Variants in ZNF568 observed in about 807,000 individuals in gnomAD.
ZNF568 encodes the protein p53 inhibitor of SCO2 activation.
A neutral mutation model predicts 18.1 loss-of-function variants in ZNF568; 11 were observed. That is an observed-to-expected ratio of 0.61 (90% CI 0.38 to 1.00). ZNF568 has a LOEUF of 1.00. Among genes scored for constraint, ZNF568 ranks in the 50% least tolerant of loss-of-function variants. ZNF568 has a pLI of 0.01. For synonymous variants in ZNF568, 213 were observed against 246.6 expected (o/e 0.86, Z 1.28); for missense variants, 639 against 768.2 (o/e 0.83, Z 1.99).
chr19:36,951,098 G>A lies in ZNF568; in HGVS notation c.*10G>A. The A allele has an allele frequency of 6.7e-7, 1 of 1,485,764 alleles. No individual in the cohort carries two copies. Among genetic ancestry groups the A allele is most frequent in the Non-Finnish European group, 8.9e-7 (1 of 1,120,410 alleles). The allele number at this position is 1,485,764 out of a possible 1,614,324, so 92.0% of individuals were successfully genotyped here. The stretch of plus-strand genomic sequence containing the variant: ...ACACCAAGTATATTAAATGAAAGAA[G>A]GCCTCTTAAATTCAACCCATGTTTT... On this transcript the variant is annotated 3_prime_UTR_variant, in exon 7 of 7. Coordinates refer to ENST00000333987, the MANE Select transcript of ZNF568 (RefSeq NM_198539.4).
At position 36,992,652 on chromosome 19, in the gene ZNF568, TC is replaced by T. The variant is rs532407400; in HGVS notation, c.229+808del. 1.1e-4 allele frequency among the ~76,000 whole-genome samples: 16 copies of T among 152,338 alleles called. No individual in the cohort carries two copies. The East Asian group carries it at 2.7e-3, about 26-fold the overall frequency. ...TACTTGCATTTTGGGTCCAGTTTTG[TC>T]CTGACTTTTTAAAACAGTTTTATTG... On this transcript the variant is annotated intron_variant, in intron 4 of 4. Transcript: ENST00000433993.
rs1234878117 is a variant in ZNF568, at chr19:36,949,838, C to T, written c.685C>T (p.Gln229Ter). Reference sequence around the variant, plus strand: ...CCCCTTTAAGTGTAATCAGTGTGGACAAGACTTCAGTCATAAATTTGACCT... The same window carrying T: ...CCCCTTTAAGTGTAATCAGTGTGGATAAGACTTCAGTCATAAATTTGACCT... The part of the protein sequence containing the change: ...VTPFKCNQCG[Q>*]DFSHKFDLIR... Residue 229 changes from glutamine to a stop codon, truncating the protein, a stop_gained, in exon 7 of 7, where the codon CAA becomes TAA. Coordinates refer to ENST00000333987, the MANE Select transcript of ZNF568 (RefSeq NM_198539.4). LOFTEE classifies it low-confidence loss of function (END_TRUNC). The T allele has an allele frequency of 6.2e-7, 1 of 1,613,842 alleles. No homozygotes were observed. The highest frequency in any genetic ancestry group is 8.5e-7 in the Non-Finnish European group (1 of 1,179,948).
chr19:36,961,276 C>CTTTTTTTTTT (rs142769873), intron 6 of ZNF568, among the ~76,000 whole-genome samples: 2 of 131,858 alleles, frequency 1.5e-5, no homozygotes, highest in African/African-American at 2.9e-5. Flanking sequence ...CCTTCTTTGT[C>CTTTTTTTTTT]TTTTTTTTTT....
chr19:36,961,559 C>A (rs568965812), intron 6 of ZNF568, among the ~76,000 whole-genome samples: 1 of 152,088 alleles, frequency 6.6e-6, no homozygotes, highest in African/African-American at 2.4e-5. Context: ...TGGAGTCTCA[C>A]TCTGTTGCCC....
chr19:36,942,598 C>CAAAAA (rs1157835192), intron 6 of ZNF568, among the ~76,000 whole-genome samples: 5 of 68,464 alleles, frequency 7.3e-5, no homozygotes, highest in African/African-American at 1.8e-4. Context: ...GACTCCGTCT[C>CAAAAA]AAAAAAAAAA....
Position 36,949,579 on chromosome 19 carries a change from C to G in ZNF568, c.426C>G (p.Ile142Met). The change falls in exon 7 of 7, where the codon ATC (isoleucine) becomes ATG (methionine). Residue 142 changes from isoleucine to methionine, a missense_variant. Transcript: ENST00000333987. ...QETLVRKVTS[I>M]SKKILIKEKV... is the part of the protein sequence containing the mutation. ...CACTTGTGAGGAAAGTCACATCCAT[C>G]TCCAAGAAAATTCTGATAAAGGAAA... 1.2e-6 allele frequency: 2 copies of G among 1,612,730 alleles called. No individual in the cohort carries two copies. The highest frequency in any genetic ancestry group is 1.7e-6 in the Non-Finnish European group (2 of 1,179,446).
At chr19:36,991,343 A>C in intron 3 of ZNF568, 1 of 1,484,000 alleles carries the variant, frequency 6.7e-7, no homozygotes. Flanking sequence ...CCCGCCAAAC[A>C]CACAATTGGC....
At chr19:36,960,984 T>G (rs2074144804) in intron 6 of ZNF568, among the ~76,000 whole-genome samples, 2 of 152,290 alleles carry the variant, frequency 1.3e-5, no homozygotes, top group South Asian at 4.1e-4. Flanking sequence ...ATGAAAATAA[T>G]GTATAGTCTG....
downstream of ZNF568, among the ~76,000 whole-genome samples, chr19:36,984,139 T>TC (rs1178051296): frequency 2.0e-5 from 3 of 151,860 alleles, no homozygotes; most frequent in Non-Finnish European, 2.9e-5. Context: ...GACCTCATGA[T>TC]CCCCCCACCT....
At chr19:36,968,604 A>G (rs1298384670) in intron 6 of ZNF568, among the ~76,000 whole-genome samples, 1 of 151,374 alleles carries the variant, frequency 6.6e-6, no homozygotes, top group Middle Eastern at 3.4e-3. Context: ...GAGGAGATTC[A>G]TATGGTCTGA....
At chr19:36,975,995 C>A (rs2074282112) in intron 7 of ZNF568, among the ~76,000 whole-genome samples, 1 of 152,052 alleles carries the variant, frequency 6.6e-6, no homozygotes, top group Non-Finnish European at 1.5e-5. Context: ...CGCCTGGCCT[C>A]AATTTCTTAT....
intron 3 of ZNF568, among the ~76,000 whole-genome samples, chr19:36,924,708 A>G (rs1030564700): frequency 2.0e-5 from 3 of 150,836 alleles, no homozygotes; most frequent in Non-Finnish European, 4.4e-5. Context: ...GTGGATGCCT[A>G]TAATCCCAGC....
chr19:36,933,861 A>G (rs1381494307), intron 4 of ZNF568, among the ~76,000 whole-genome samples: 1 of 139,976 alleles, frequency 7.1e-6, no homozygotes, highest in East Asian at 2.1e-4. Flanking sequence ...AAAATTCACC[A>G]GTGAAGCCAT....
chr19:36,976,430 CA>C (rs2074285735), intron 7 of ZNF568: 1 of 152,108 alleles, frequency 6.6e-6, no homozygotes, highest in Non-Finnish European at 1.5e-5. Flanking sequence ...TCTCTGAAAT[CA>C]AAATGGGGTT....
intron 4 of ZNF568, among the ~76,000 whole-genome samples, chr19:36,934,334 A>T: frequency 7.1e-6 from 1 of 140,798 alleles, no homozygotes. Flanking sequence ...ATTGAGGCAG[A>T]GTCTCACTCT....
intron 4 of ZNF568, among the ~76,000 whole-genome samples, chr19:36,928,239 A>T (rs2073618828): frequency 6.6e-6 from 1 of 151,928 alleles, no homozygotes; most frequent in Non-Finnish European, 1.5e-5. Flanking sequence ...TTCTGTCACA[A>T]TTAAAGATGT....
intron 4 of ZNF568, among the ~76,000 whole-genome samples, chr19:36,930,401 G>C (rs2073666702): frequency 6.6e-6 from 1 of 151,894 alleles, no homozygotes; most frequent in Non-Finnish European, 1.5e-5. Flanking sequence ...AGTAGAGATG[G>C]GGTTTCACCA....
At chr19:36,993,713 C>A (rs931909298) in intron 4 of ZNF568, among the ~76,000 whole-genome samples, 1 of 152,040 alleles carries the variant, frequency 6.6e-6, no homozygotes, top group Non-Finnish European at 1.5e-5. Flanking sequence ...TTCCTTATAA[C>A]CCTTTTTATT....
chr19:36,996,797 G>A, exon 5 of ZNF568: 1 of 1,554,326 alleles, frequency 6.4e-7, no homozygotes, highest in South Asian at 1.2e-5. Flanking sequence ...CCTCATAAAT[G>A]TAAGGAATGT....
Sources: gnomAD v4.1 joint callset for allele counts (sites outside exome capture counted in the v4.1 genomes callset) on GRCh38, gnomAD v4.1.1 for gene constraint, MANE v1.5 for transcripts, NCBI Gene and HGNC (gene_info 2026-07-23, HGNC 2026-07-21) for gene names.